The following DDX50 variants were observed in gnomAD, a reference collection of about 807,000 sequenced individuals.
The protein encoded by DDX50 is ATP-dependent RNA helicase DDX50.
DDX50 carries 56 observed loss-of-function variants against 94.8 expected under a neutral mutation model. The observed-to-expected ratio is 0.59, with a 90% CI of 0.48 to 0.74. DDX50 has a LOEUF of 0.74. DDX50 is among the 30% of genes least tolerant of loss of function. DDX50 has a pLI of 0.00. For missense variants in DDX50, 713 were observed against 881.2 expected (o/e 0.81, Z 2.42); for synonymous variants, 264 against 295.4 (o/e 0.89, Z 1.09).
At chr10:68,938,770 T>C (rs34146994) in intron 12 of DDX50, among the ~76,000 whole-genome samples, 17,957 of 152,240 alleles carry the variant, frequency 0.12, 1,344 homozygotes, top group Admixed American at 0.18. Flanking sequence ...TACATATACC[T>C]ATTTGTATGT....
At position 68,934,676 on chromosome 10, in the gene DDX50, T is replaced by G; in HGVS notation, c.1402-123T>G. 8.3e-7 allele frequency: 1 copy of G among 1,198,246 alleles called. No homozygotes were observed. Among genetic ancestry groups the G allele is most frequent in the Non-Finnish European group, 1.1e-6 (1 of 877,148 alleles). 74.2% of individuals were successfully genotyped at this position (1,198,246 alleles called of 1,614,324 possible). On this transcript the variant is annotated intron_variant, in intron 9 of 14. Coordinates refer to ENST00000373585, the MANE Select transcript of DDX50 (RefSeq NM_024045.2). The surrounding 1 kb of genome is among the most constrained non-coding windows in gnomAD (Gnocchi z 4.0). The stretch of plus-strand genomic sequence containing the variant: ...CCCAAAATCCACACATATAAATTGT[T>G]TGGAATGTTGAAAAGGGCAACAGGA...
Position 68,914,105 on chromosome 10 carries a change from A to G in DDX50, c.990A>G (p.Pro330=), listed in dbSNP as rs1407101904. 1.2e-6 allele frequency: 2 copies of G among 1,609,280 alleles called. No individual in the cohort carries two copies. The highest frequency in any genetic ancestry group is 1.7e-6 in the Non-Finnish European group (2 of 1,178,628). Residue 330 remains proline, a synonymous_variant, in exon 7 of 15, where the codon CCA becomes CCG. Transcript: ENST00000373585. ...CTTTACTTTTTTCTGCAACTTGCCC[A>G]CAGTGGGTATACAAAGTTGCAAAAA... The part of the protein sequence containing the change: ...PQTLLFSATC[P]QWVYKVAKKY...
At chr10:68,938,300 G>A (rs1842473584) in intron 12 of DDX50, among the ~76,000 whole-genome samples, 1 of 152,238 alleles carries the variant, frequency 6.6e-6, no homozygotes, top group Admixed American at 6.5e-5. Context: ...TTGTGTAAGT[G>A]TAACACCATC....
At chr10:68,925,627 A>G (rs1364357712) in intron 8 of DDX50, among the ~76,000 whole-genome samples, 1 of 152,098 alleles carries the variant, frequency 6.6e-6, no homozygotes, top group Non-Finnish European at 1.5e-5. Flanking sequence ...TAATTCTAGC[A>G]CTTTGGGAGG....
At chr10:68,910,476 C>T (rs769996550) in intron 3 of DDX50, 94 bp downstream of exon 3, 1 of 950,022 alleles carries the variant, frequency 1.1e-6, no homozygotes, top group Non-Finnish European at 1.5e-6. Context: ...AGTCTTGGCT[C>T]ACTGCAACCT....
chr10:68,901,746 T>G (rs1182939332), intron 1 of DDX50, among the ~76,000 whole-genome samples: 6 of 152,140 alleles, frequency 3.9e-5, no homozygotes, highest in Non-Finnish European at 8.8e-5. Flanking sequence ...AGACTCAAGC[T>G]CCCATCACCA....
intron 1 of DDX50, among the ~76,000 whole-genome samples, chr10:68,904,548 GTAGAGGTAAGAAGA>G (rs1438571527): frequency 1.3e-5 from 2 of 152,202 alleles, no homozygotes; most frequent in Non-Finnish European, 1.5e-5. Context: ...AAGATATGTG[GTAGAGGTAAGAAGA>G]TAGAGGTAAG....
intron 8 of DDX50, among the ~76,000 whole-genome samples, chr10:68,929,415 T>C (rs1842190936): frequency 6.6e-6 from 1 of 150,914 alleles, no homozygotes; most frequent in African/African-American, 2.4e-5. Context: ...TTCCTTCCTT[T>C]CTTTCCTTCT....
chr10:68,905,168 C>T (rs143536694), intron 1 of DDX50, among the ~76,000 whole-genome samples: 445 of 152,242 alleles, frequency 2.9e-3, no homozygotes, highest in African/African-American at 0.01. Context: ...CGCCCAACCT[C>T]GCCCCCCCAG....
At chr10:68,929,009 C>G (rs1209685296) in intron 8 of DDX50, among the ~76,000 whole-genome samples, 3 of 151,420 alleles carry the variant, frequency 2.0e-5, no homozygotes, top group Non-Finnish European at 4.4e-5. Flanking sequence ...AGTGCAGTGG[C>G]GCGATCTCGG....
intron 8 of DDX50, among the ~76,000 whole-genome samples, chr10:68,932,039 T>C (rs185684375): frequency 2.2e-4 from 34 of 152,304 alleles, no homozygotes; most frequent in Non-Finnish European, 4.0e-4. Context: ...TAGATTTCCC[T>C]CTTAAGTATT....
intron 8 of DDX50, among the ~76,000 whole-genome samples, chr10:68,923,408 A>G (rs1841994782): frequency 1.3e-5 from 2 of 150,980 alleles, no homozygotes; most frequent in East Asian, 1.9e-4. Context: ...GGATTTCTCT[A>G]AGTTGCCCAG....
intron 1 of DDX50, among the ~76,000 whole-genome samples, 195 bp downstream of exon 1, chr10:68,901,666 C>T (rs1189789993): frequency 2.0e-5 from 3 of 152,172 alleles, no homozygotes; most frequent in Non-Finnish European, 4.4e-5. Context: ...GAAAGATGGC[C>T]CTGGGCTTTG....
At chr10:68,908,740 C>CA (rs2132023693) in intron 2 of DDX50, among the ~76,000 whole-genome samples, 1 of 148,088 alleles carries the variant, frequency 6.8e-6, no homozygotes, top group South Asian at 2.1e-4. Context: ...TCCCTGGGCT[C>CA]AGGTGATCCT....
intron 2 of DDX50, 121 bp from the exon 3 acceptor site, chr10:68,910,186 C>CAAA: frequency 7.3e-5 from 50 of 683,102 alleles, no homozygotes; most frequent in Middle Eastern, 3.3e-4. Flanking sequence ...GACCCTGTTT[C>CAAA]AAAAAAAAAA....
intron 2 of DDX50, among the ~76,000 whole-genome samples, chr10:68,907,541 C>G (rs1841496325): frequency 6.6e-6 from 1 of 151,938 alleles, no homozygotes; most frequent in Admixed American, 6.6e-5. Flanking sequence ...GTCTTGAACT[C>G]CTGACCTCAA....
intron 8 of DDX50, among the ~76,000 whole-genome samples, chr10:68,920,288 A>C (rs772757821): frequency 1.3e-5 from 2 of 151,570 alleles, no homozygotes; most frequent in Non-Finnish European, 2.9e-5. Context: ...CAGCCTCTTG[A>C]GTAGCTGGGA....
chr10:68,946,661 T>C lies in DDX50; in HGVS notation c.*31T>C, dbSNP rs750963183. ...TGATAGTTAATCTACCAGTGTGAGC[T>C]TGCCTATTTCTGCCTAATCATGTAC... On this transcript the variant is annotated 3_prime_UTR_variant, in exon 15 of 15. Coordinates refer to ENST00000373585, the MANE Select transcript of DDX50 (RefSeq NM_024045.2). 1 of 1,595,454 alleles carries C rather than the reference T, an allele frequency of 6.3e-7. No individual in the cohort carries two copies. The highest frequency in any genetic ancestry group is 8.6e-7 in the Non-Finnish European group (1 of 1,168,730).
rs1384089823 is a variant in DDX50 at position 68,935,905 on chromosome 10, T to C, written c.1522-101T>C. ...TAATCTGCTAGGGCTATGAAATCTT[T>C]AAATGCAAGAAATAGAAATTCAACG... On this transcript the variant is annotated intron_variant, in intron 10 of 14. Coordinates refer to ENST00000373585, the MANE Select transcript of DDX50 (RefSeq NM_024045.2). 4 of 822,370 alleles carry C rather than the reference T, an allele frequency of 4.9e-6. No individual in the cohort carries two copies. In the East Asian group the frequency reaches 8.4e-5, roughly 17 times the overall value. 50.9% of individuals were successfully genotyped at this position (822,370 alleles called of 1,614,324 possible).
Sources: gnomAD v4.1 joint callset for allele counts (sites outside exome capture counted in the v4.1 genomes callset) on GRCh38, gnomAD v4.1.1 for gene constraint, Gnocchi (gnomAD v3.1) non-coding constraint, MANE v1.5 for transcripts, NCBI Gene and HGNC (gene_info 2026-07-23, HGNC 2026-07-21) for gene names.